Variants in COL4A3 observed in about 807,000 individuals in gnomAD.
COL4A3 encodes the protein collagen alpha-3(IV) chain.
In COL4A3, 135 loss-of-function variants were observed where a neutral mutation model predicts 217.4. The observed-to-expected ratio is 0.62, with a 90% confidence interval of 0.54 to 0.72. The LOEUF (loss-of-function observed/expected upper bound fraction) is 0.72, where lower values mean the gene tolerates loss of function less well. Ranked by LOEUF, COL4A3 falls within the 30% of genes least tolerant of loss-of-function variation. COL4A3 has a pLI of 0.00. For synonymous variants in COL4A3, 690 were observed against 736.3 expected, an observed-to-expected ratio of 0.94 and a Z score of 1.02; for missense variants, 1,868 against 2,119.9, an observed-to-expected ratio of 0.88 and a Z score of 2.33.
At chr2:227,167,393 GC>G (rs1401728871) in intron 1 of COL4A3, among the ~76,000 whole-genome samples, 2 of 152,312 alleles carry the variant, frequency 1.3e-5, no homozygotes, top group East Asian at 3.9e-4. Context: ...CAGGCTGGCT[GC>G]CCAGCGCATC....
chr2:227,180,220 A>C (rs1328343665), intron 1 of COL4A3, among the ~76,000 whole-genome samples: 3 of 152,200 alleles, frequency 2.0e-5, no homozygotes, highest in Non-Finnish European at 4.4e-5. Flanking sequence ...CTTTCCAAAA[A>C]GCAATAAAAA....
At chr2:227,256,309 C>T (rs1485249914) in intron 16 of COL4A3, 34 bp from the exon 17 acceptor site, 1 of 1,606,546 alleles carries the variant, frequency 6.2e-7, no homozygotes, top group South Asian at 1.1e-5. Context: ...GCTCCTGTGT[C>T]TTCTGACCCA....
At chr2:227,245,866 G>T in intron 5 of COL4A3, 88 bp from the exon 6 acceptor site, 1 of 910,638 alleles carries the variant, frequency 1.1e-6, no homozygotes, top group South Asian at 1.3e-5. Context: ...TATATTTCAA[G>T]AGCTATTTAA....
intron 28 of COL4A3, among the ~76,000 whole-genome samples, chr2:227,277,973 T>C (rs1275984482): frequency 6.6e-6 from 1 of 152,032 alleles, no homozygotes; most frequent in Non-Finnish European, 1.5e-5. Flanking sequence ...CTTATAATAA[T>C]GTTAGGTGAA....
intron 1 of COL4A3, among the ~76,000 whole-genome samples, chr2:227,217,481 C>T (rs1346579160): frequency 6.6e-6 from 1 of 152,172 alleles, no homozygotes; most frequent in Non-Finnish European, 1.5e-5. Flanking sequence ...GTTAACCTGA[C>T]TGTAGTCCTG....
rs1256505387 is a variant in COL4A3, at chr2:227,267,052, G to C, written c.1468G>C (p.Gly490Arg). Residue 490 changes from glycine (G) to arginine (R), a missense_variant, in exon 23 of 52, where the codon GGA (glycine) becomes CGA (arginine). Coordinates refer to ENST00000396578, the MANE Select transcript of COL4A3 (RefSeq NM_000091.5). The stretch of plus-strand genomic sequence containing the variant: ...TATCCCAGGGCCTCCCGGTCTCCCA[G>C]GATTGCCAGGGTTACATGGTGTAAA... ...PYIPGPPGLP[G>R]LPGLHGVKGI... 14 of 1,613,872 alleles carry C rather than the reference G, an allele frequency of 8.7e-6. No individual in the cohort carries two copies. The highest frequency in any genetic ancestry group is 1.2e-5 in the Non-Finnish European group (14 of 1,179,954).
intron 1 of COL4A3, among the ~76,000 whole-genome samples, chr2:227,235,127 C>T (rs1394374599): frequency 6.6e-6 from 1 of 151,896 alleles, no homozygotes; most frequent in Non-Finnish European, 1.5e-5. Flanking sequence ...GTAGCATGCT[C>T]GGGGGTGGGA....
In COL4A3 at chr2:227,237,991, C is replaced by T. The variant is rs1246881535; in HGVS notation, c.111C>T (p.Gly37=). Residue 37 remains glycine (G), a synonymous_variant, in exon 2 of 52, where the codon GGC becomes GGT. Transcript: ENST00000396578. The part of the protein sequence containing the change: ...ASKGCVCKDK[G]QCFCDGAKGE... ...AGGGTTGTGTCTGTAAAGACAAAGG[C>T]CAGTGCTTCTGTGACGGGGCCAAAG... is the stretch of plus-strand genomic sequence containing the variant. The T allele has an allele frequency of 6.2e-7, 1 of 1,610,556 alleles. No homozygotes were observed. The highest frequency in any genetic ancestry group is 1.1e-5 in the South Asian group (1 of 91,034).
rs201841428 is a variant in COL4A3, at chr2:227,297,830, G to A, written c.3722G>A (p.Arg1241His). The A allele has an allele frequency of 8.6e-5, 135 of 1,563,892 alleles. No individual in the cohort carries two copies. Among genetic ancestry groups the A allele is most frequent in the Non-Finnish European group, 1.1e-4 (122 of 1,153,366 alleles). The change falls in exon 42 of 52, where the codon CGT becomes CAT. Residue 1241 changes from arginine (R) to histidine (H), a missense_variant. Transcript: ENST00000396578. The stretch of plus-strand genomic sequence containing the variant: ...ATTATCCCTGGCCAGACAGGAAATC[G>A]TGGTCCACCAGGCTCAAGAGGAAGC... ...GAIIPGQTGN[R>H]GPPGSRGSPG...
intron 1 of COL4A3, among the ~76,000 whole-genome samples, chr2:227,177,451 G>A (rs760778667): frequency 3.3e-5 from 5 of 151,886 alleles, no homozygotes; most frequent in Non-Finnish European, 7.4e-5. Flanking sequence ...CACCTCACCT[G>A]GCCTATTTTT....
Position 227,298,758 on chromosome 2 carries a change from T to G in COL4A3, c.3828T>G (p.Pro1276=). 6.2e-7 allele frequency: 1 copy of G among 1,614,094 alleles called. No individual in the cohort carries two copies. Among genetic ancestry groups the G allele is most frequent in the Non-Finnish European group, 8.5e-7 (1 of 1,179,986 alleles). The part of the protein sequence containing the change: ...IKGDKGSMGH[P]GPKGPPGTAG... ...GAGACAAAGGGTCTATGGGCCACCC[T>G]GGCCCAAAAGGTCCACCTGGAACTG... Residue 1276 remains proline, a synonymous_variant, in exon 43 of 52, where the codon CCT becomes CCG. Transcript: ENST00000396578.
At position 227,293,378 on chromosome 2, in the gene COL4A3, A is replaced by C. The variant is rs532244400; in HGVS notation, c.3337+61A>C. On this transcript the variant is annotated intron_variant, in intron 38 of 51. Coordinates refer to ENST00000396578, the MANE Select transcript of COL4A3 (RefSeq NM_000091.5). ...CATTACTCAGAGTATAGCCCTCCTG[A>C]AATCATTGTGGTAAACAGAAAGCTA... 4.6e-4 allele frequency: 726 copies of C among 1,571,684 alleles called. 5 individuals carry two copies. The African/African-American group carries it at 9.1e-3, about 20-fold the overall frequency.
chr2:227,238,384 C>T (rs1427921640), intron 2 of COL4A3, among the ~76,000 whole-genome samples: 1 of 149,868 alleles, frequency 6.7e-6, no homozygotes, highest in Non-Finnish European at 1.5e-5. Context: ...GATTCATTCA[C>T]TTTGACAGAA....
rs954758632 is a variant in COL4A3, at chr2:227,248,256, T to G, written c.469-187T>G. 5.2e-6 allele frequency: 3 copies of G among 580,984 alleles called. No homozygotes were observed. In the African/African-American group the frequency reaches 5.6e-5, roughly 11 times the overall value. The allele number at this position is 580,984 out of a possible 1,614,324, so 36.0% of individuals were successfully genotyped here. On this transcript the variant is annotated intron_variant, in intron 8 of 51. Transcript: ENST00000396578. ...TACTGGGCCCACTGTAAATTTTTGATTTTAGAAAATATGAAAATGCTTTGA... is the reference window on the plus strand; with the variant it reads ...TACTGGGCCCACTGTAAATTTTTGAGTTTAGAAAATATGAAAATGCTTTGA...
intron 9 of COL4A3, among the ~76,000 whole-genome samples, chr2:227,249,230 A>ATATATATTTTTTTTTTTTTTTTTTT: frequency 6.8e-5 from 1 of 14,690 alleles, no homozygotes; most frequent in African/African-American, 2.7e-4. Context: ...ATATATATAT[A>ATATATATTTTTTTTTTTTTTTTTTT]TTTTTTTTTT....
intron 34 of COL4A3, among the ~76,000 whole-genome samples, chr2:227,285,625 TG>T (rs2072271544): frequency 6.6e-6 from 1 of 152,218 alleles, no homozygotes; most frequent in South Asian, 2.1e-4. Context: ...AGAAACATTT[TG>T]GAAAAAATAT....
intron 1 of COL4A3, among the ~76,000 whole-genome samples, chr2:227,204,426 C>G (rs2067021914): frequency 1.3e-5 from 2 of 152,044 alleles, no homozygotes; most frequent in African/African-American, 2.4e-5. Flanking sequence ...AGGCTTCACA[C>G]TTATCCTTTA....
chr2:227,304,953 T>C (rs1296262898), intron 46 of COL4A3, 32 bp from the exon 47 acceptor site: 2 of 1,572,036 alleles, frequency 1.3e-6, no homozygotes, highest in Non-Finnish European at 1.7e-6. Context: ...TCCTATATGA[T>C]AAAATGCAAT....
intron 46 of COL4A3, among the ~76,000 whole-genome samples, 194 bp from the exon 47 acceptor site, chr2:227,304,791 G>A (rs1028389653): frequency 3.9e-5 from 6 of 152,168 alleles, no homozygotes; most frequent in Non-Finnish European, 7.3e-5. Flanking sequence ...TCATTTTCGA[G>A]AGTCTTATTT....
Sources: gnomAD v4.1 joint callset for allele counts (sites outside exome capture counted in the v4.1 genomes callset) on GRCh38, gnomAD v4.1.1 for gene constraint, MANE v1.5 for transcripts, NCBI Gene and HGNC (gene_info 2026-07-23, HGNC 2026-07-21) for gene names.